The following INO80C variants were observed in gnomAD, a reference collection of about 807,000 sequenced individuals.
INO80C encodes IES6 homolog.
INO80C carries 17 observed loss-of-function variants against 17.7 expected under a neutral mutation model. That is an observed-to-expected ratio of 0.96 (90% CI 0.66 to 1.44). The LOEUF is 1.44. Among genes scored for constraint, INO80C ranks in the 40% most tolerant of loss-of-function variants. The pLI is 0.00. For synonymous variants in INO80C, 96 were observed against 95.8 expected (o/e 1.00, Z -0.01); for missense variants, 244 against 245.0 (o/e 1.00, Z 0.03).
intron 4 of INO80C, among the ~76,000 whole-genome samples, chr18:35,476,667 T>G (rs1033417539): frequency 6.6e-6 from 1 of 152,138 alleles, no homozygotes; most frequent in Admixed American, 6.6e-5. Context: ...TAAAGATGAA[T>G]AGCCTAAGGA....
At chr18:35,474,595 G>A (rs554959861) in intron 4 of INO80C, among the ~76,000 whole-genome samples, 5 of 152,116 alleles carry the variant, frequency 3.3e-5, no homozygotes, top group Admixed American at 1.3e-4. Flanking sequence ...GCTGAAGCAC[G>A]TGGATCGCTT....
At chr18:35,487,273 G>A in intron 1 of INO80C, 1 of 236,122 alleles carries the variant, frequency 4.2e-6, no homozygotes, top group African/African-American at 2.4e-5. Flanking sequence ...GAAAATAAGT[G>A]GCCAGTACTC....
chr18:35,474,176 T>C (rs1405994474), intron 4 of INO80C, among the ~76,000 whole-genome samples: 1 of 130,576 alleles, frequency 7.7e-6, no homozygotes, highest in Non-Finnish European at 1.6e-5. Flanking sequence ...TATATATATA[T>C]GTATATATAT....
At chr18:35,491,530 T>A (rs1475962898) in intron 1 of INO80C, among the ~76,000 whole-genome samples, 2 of 152,046 alleles carry the variant, frequency 1.3e-5, no homozygotes, top group African/African-American at 4.8e-5. Flanking sequence ...GCTTCTGAGA[T>A]TGTGGCAGGC....
At chr18:35,493,111 C>G (rs921528082) in intron 1 of INO80C, among the ~76,000 whole-genome samples, 4 of 152,294 alleles carry the variant, frequency 2.6e-5, no homozygotes, top group South Asian at 2.1e-4. Flanking sequence ...TACACAGTCT[C>G]TCTATGCTCT....
chr18:35,468,875 A>G (rs1003126095), intron 4 of INO80C, 133 bp from the exon 5 acceptor site: 4 of 782,536 alleles, frequency 5.1e-6, no homozygotes, highest in Non-Finnish European at 8.1e-6. Flanking sequence ...TGCCACCAAG[A>G]ACACTAAATC....
At chr18:35,485,263 G>A (rs1011382722) in intron 1 of INO80C, among the ~76,000 whole-genome samples, 6 of 152,126 alleles carry the variant, frequency 3.9e-5, no homozygotes, top group African/African-American at 1.4e-4. Flanking sequence ...TAAAGGACAC[G>A]GGAGCCAGTT....
chr18:35,493,741 A>C (rs2045953271), intron 1 of INO80C, among the ~76,000 whole-genome samples: 1 of 152,240 alleles, frequency 6.6e-6, no homozygotes, highest in Non-Finnish European at 1.5e-5. Context: ...TTAAGAATCC[A>C]TGATAATTCA....
chr18:35,471,970 T>C (rs1598735374), intron 4 of INO80C, among the ~76,000 whole-genome samples: 1 of 152,344 alleles, frequency 6.6e-6, no homozygotes, highest in East Asian at 1.9e-4. Context: ...CCATGGTGTA[T>C]ATGTGCCACA....
At chr18:35,485,856 A>T (rs1391747447) in intron 1 of INO80C, among the ~76,000 whole-genome samples, 2 of 152,238 alleles carry the variant, frequency 1.3e-5, no homozygotes, top group African/African-American at 4.8e-5. Context: ...CAAGCACAGG[A>T]ACTCATGCCT....
In INO80C at chr18:35,468,726, G is replaced by C. The variant is rs751558286; in HGVS notation, c.464C>G (p.Pro155Arg). 3 of 1,614,138 alleles carry C rather than the reference G, an allele frequency of 1.9e-6. No homozygotes were observed. The South Asian group carries it at 3.3e-5, about 18-fold the overall frequency. ...GGTGCTGAACCGCAGTTTGCTCTGG[G>C]GGTCTGTGTAGTTGGCCTGGGTGAA... ...VSGLLANYTD[P>R]QSKLRFSTIE... Residue 155 changes from proline (P) to arginine (R), a missense_variant, in exon 5 of 5, where the codon CCC (proline) becomes CGC (arginine). Physicochemically the swap from Pro to Arg is moderately radical, Grantham distance 103. Coordinates refer to ENST00000334598, the MANE Select transcript of INO80C (RefSeq NM_194281.4).
At chr18:35,484,330 T>C (rs1054467934) in intron 1 of INO80C, among the ~76,000 whole-genome samples, 5 of 152,146 alleles carry the variant, frequency 3.3e-5, no homozygotes, top group Non-Finnish European at 7.3e-5. Flanking sequence ...CAGAAATACA[T>C]AGAGAGGTGT....
At chr18:35,482,310 C>T (rs1405636678) in intron 1 of INO80C, among the ~76,000 whole-genome samples, 1 of 152,212 alleles carries the variant, frequency 6.6e-6, no homozygotes, top group East Asian at 1.9e-4. Flanking sequence ...GCAACTTATT[C>T]TGGTTCCCTC....
At chr18:35,482,899 C>G in intron 1 of INO80C, among the ~76,000 whole-genome samples, 1 of 152,212 alleles carries the variant, frequency 6.6e-6, no homozygotes, top group Non-Finnish European at 1.5e-5. Context: ...CAGTGACATA[C>G]TTTTCAATGC....
At chr18:35,482,095 G>A (rs2045816060) in intron 1 of INO80C, among the ~76,000 whole-genome samples, 1 of 152,064 alleles carries the variant, frequency 6.6e-6, no homozygotes, top group Admixed American at 6.5e-5. Context: ...ATTTCTCTTG[G>A]GCAAATACCT....
At chr18:35,478,482 CTG>C in intron 3 of INO80C, 133 bp from the exon 4 acceptor site, 1 of 702,692 alleles carries the variant, frequency 1.4e-6, no homozygotes, top group Non-Finnish European at 2.3e-6. Context: ...ACAGAAGTCT[CTG>C]GAGATTAACT....
intron 4 of INO80C, among the ~76,000 whole-genome samples, chr18:35,472,353 GTGA>G (rs1481136889): frequency 6.6e-6 from 1 of 152,228 alleles, no homozygotes; most frequent in Non-Finnish European, 1.5e-5. Flanking sequence ...CTGATGGCCA[GTGA>G]TGATGAGCAT....
At chr18:35,483,602 A>T (rs552379668) in intron 1 of INO80C, 1 of 152,358 alleles carries the variant, frequency 6.6e-6, no homozygotes, top group South Asian at 2.1e-4. Flanking sequence ...TAGGTACCAA[A>T]TAATGAGTGA....
chr18:35,495,563 T>C (rs562148888), intron 1 of INO80C, among the ~76,000 whole-genome samples: 4 of 152,342 alleles, frequency 2.6e-5, no homozygotes, highest in African/African-American at 9.6e-5. Flanking sequence ...TTCCACCATA[T>C]TGGATTACTG....
Sources: gnomAD v4.1 joint callset for allele counts (sites outside exome capture counted in the v4.1 genomes callset) on GRCh38, gnomAD v4.1.1 for gene constraint, MANE v1.5 for transcripts, NCBI Gene and HGNC (gene_info 2026-07-23, HGNC 2026-07-21) for gene names.